MYEF2: variants seen among roughly 807,000 people sequenced by gnomAD.
MYEF2 encodes the protein myelin expression factor 2.
MYEF2 carries 37 observed loss-of-function variants against 75.2 expected under a neutral mutation model. That is an observed-to-expected ratio of 0.49 (90% CI 0.38 to 0.65). MYEF2 has a LOEUF of 0.65. Among genes scored for constraint, MYEF2 ranks in the 30% least tolerant of loss-of-function variants. The probability of loss-of-function intolerance (pLI) is 0.00; values close to 1 mark genes in which losing one functional copy is unlikely to be tolerated. For synonymous variants in MYEF2, 195 were observed against 241.6 expected (o/e 0.81, Z 1.79); for missense variants, 634 against 771.4 (o/e 0.82, Z 2.11).
intron 9 of MYEF2, 73 bp downstream of exon 9, chr15:48,157,920 A>G (rs1384476280): frequency 1.3e-6 from 2 of 1,580,906 alleles, no homozygotes; most frequent in East Asian, 2.2e-5. Context: ...GCACAAAAAC[A>G]AAGTGTTGCT....
chr15:48,177,805 G>C (rs1241461592), intron 1 of MYEF2, among the ~76,000 whole-genome samples: 1 of 152,178 alleles, frequency 6.6e-6, no homozygotes, highest in Admixed American at 6.5e-5. Flanking sequence ...AGGGAAGAGG[G>C]GTGTTCGCTG....
At chr15:48,177,106 T>G (rs1295739336) in intron 1 of MYEF2, among the ~76,000 whole-genome samples, 2 of 152,208 alleles carry the variant, frequency 1.3e-5, no homozygotes, top group African/African-American at 2.4e-5. Flanking sequence ...CTCTGAGGCA[T>G]AACAGAGAAG....
chr15:48,164,373 A>G (rs531118714), intron 5 of MYEF2, among the ~76,000 whole-genome samples: 3 of 152,322 alleles, frequency 2.0e-5, no homozygotes, highest in African/African-American at 7.2e-5. Flanking sequence ...CTGTAAACTC[A>G]TGATAAAACC....
At chr15:48,157,937 A>C (rs2140876842) in intron 9 of MYEF2, 56 bp downstream of exon 9, 1 of 1,605,590 alleles carries the variant, frequency 6.2e-7, no homozygotes, top group East Asian at 2.2e-5. Context: ...TGCTTAGCAC[A>C]TAATAAAACA....
chr15:48,136,859 C>G lies in MYEF2; in HGVS notation c.*6049G>C, dbSNP rs1359663627. On this transcript the variant is annotated 3_prime_UTR_variant, in exon 17 of 17. Coordinates refer to ENST00000324324, the MANE Select transcript of MYEF2 (RefSeq NM_016132.5). ...ATGGGCTGGGAAGATGAAGGTCAAC[C>G]ATTCATTCGTCGGCAATCAAGAACT... 4.3e-6 allele frequency: 7 copies of G among 1,613,708 alleles called. No homozygotes were observed. Among genetic ancestry groups the G allele is most frequent in the Admixed American group, 1.7e-5 (1 of 59,972 alleles).
chr15:48,146,523 A>G (rs1447703835), intron 16 of MYEF2, among the ~76,000 whole-genome samples: 1 of 151,958 alleles, frequency 6.6e-6, no homozygotes, highest in Non-Finnish European at 1.5e-5. Context: ...ATAACCCATA[A>G]TATAACATTT....
chr15:48,177,859 C>CA (rs993329763), intron 1 of MYEF2, among the ~76,000 whole-genome samples: 2 of 152,122 alleles, frequency 1.3e-5, no homozygotes, highest in African/African-American at 4.8e-5. Context: ...CCCGGGCCCC[C>CA]AGCCCCGGCT....
chr15:48,155,052 A>C (rs1292145536), intron 9 of MYEF2, among the ~76,000 whole-genome samples: 1 of 152,122 alleles, frequency 6.6e-6, no homozygotes, highest in Non-Finnish European at 1.5e-5. Context: ...AAAATAAGAC[A>C]CAATATAATG....
In MYEF2 at chr15:48,149,198, T is replaced by G. The variant is rs2039399319; in HGVS notation, c.1552A>C (p.Ile518Leu). The change falls in exon 15 of 17, where the codon ATA becomes CTA. Residue 518 changes from isoleucine (I) to leucine (L), a missense_variant. Ile to Leu is a conservative substitution (Grantham distance 5, BLOSUM62 2). Coordinates refer to ENST00000324324, the MANE Select transcript of MYEF2 (RefSeq NM_016132.5). This position sits in a 1 kb window ranked among gnomAD's most constrained non-coding sequence, Gnocchi z 4.0. ...GPMGSGMRER[I>L]GSKGNQIFVR... The stretch of plus-strand genomic sequence containing the variant: ...AATATCTGGTTGCCTTTGGAGCCTA[T>G]TCTCTCTCTCATTCCGCTTCCCATT... 6.2e-7 allele frequency: 1 copy of G among 1,613,432 alleles called. No homozygotes were observed. Among genetic ancestry groups the G allele is most frequent in the East Asian group, 2.2e-5 (1 of 44,884 alleles).
intron 7 of MYEF2, 119 bp downstream of exon 7, chr15:48,158,649 TA>T: frequency 8.3e-7 from 1 of 1,197,926 alleles, no homozygotes. Flanking sequence ...TGCTGGAGAC[TA>T]AAGTCTAACA....
intron 3 of MYEF2, among the ~76,000 whole-genome samples, chr15:48,166,882 T>C (rs1011168984): frequency 6.6e-6 from 1 of 152,048 alleles, no homozygotes; most frequent in East Asian, 1.9e-4. Context: ...TAATCGTAAA[T>C]GTCATTCATA....
rs1597374812 is a variant in MYEF2, at chr15:48,178,244, G to A, written c.-7C>T. On this transcript the variant is annotated 5_prime_UTR_variant, in exon 1 of 17. Transcript: ENST00000324324. Reference sequence around the variant, plus strand: ...CCTTGTTGGCGTCCGCCATCCCGCCGCCGCTGCCTCCGCCTCGGCCGCCTG... The same window carrying A: ...CCTTGTTGGCGTCCGCCATCCCGCCACCGCTGCCTCCGCCTCGGCCGCCTG... 2.9e-6 allele frequency: 4 copies of A among 1,387,730 alleles called. No homozygotes were observed. Among genetic ancestry groups the A allele is most frequent in the Non-Finnish European group, 3.7e-6 (4 of 1,075,932 alleles). 86.0% of individuals were successfully genotyped at this position (1,387,730 alleles called of 1,614,324 possible). A position where few individuals can be genotyped will look rare whatever the true frequency, so the allele number is the denominator to read the frequency against.
At position 48,136,582 on chromosome 15, in the gene MYEF2, C is replaced by T. The variant is rs1159951530; in HGVS notation, c.*6326G>A. 1 of 1,090,948 alleles carries T rather than the reference C, an allele frequency of 9.2e-7. No individual in the cohort carries two copies. Among genetic ancestry groups the T allele is most frequent in the African/African-American group, 1.6e-5 (1 of 63,362 alleles). 67.6% of individuals were successfully genotyped at this position (1,090,948 alleles called of 1,614,324 possible). A position where few individuals can be genotyped will look rare whatever the true frequency, so the allele number is the denominator to read the frequency against. ...CTAGAAATGTTTGATTGTTCTATGGCTACTTTTGTTAGAAAATCATTCAAT... is the reference window on the plus strand; with the variant it reads ...CTAGAAATGTTTGATTGTTCTATGGTTACTTTTGTTAGAAAATCATTCAAT... On this transcript the variant is annotated 3_prime_UTR_variant, in exon 17 of 17. Transcript: ENST00000324324.
At chr15:48,166,767 C>T (rs1236639653) in intron 3 of MYEF2, among the ~76,000 whole-genome samples, 1 of 151,860 alleles carries the variant, frequency 6.6e-6, no homozygotes, top group African/African-American at 2.4e-5. Context: ...GTTTTACTAA[C>T]ATAATGAAAC....
intron 2 of MYEF2, 104 bp downstream of exon 2, chr15:48,168,527 A>AT: frequency 3.5e-6 from 3 of 855,850 alleles, no homozygotes; most frequent in East Asian, 2.5e-5. Context: ...ATAAAAATCA[A>AT]TTTTTTGAGT....
intron 7 of MYEF2, 121 bp downstream of exon 7, chr15:48,158,648 C>G: frequency 1.7e-6 from 2 of 1,190,408 alleles, no homozygotes; most frequent in Non-Finnish European, 2.4e-6. Context: ...TTGCTGGAGA[C>G]TAAAGTCTAA....
Position 48,142,066 on chromosome 15 carries a change from C to T in MYEF2, c.*842G>A, listed in dbSNP as rs151021808. 1.9e-6 allele frequency: 3 copies of T among 1,613,306 alleles called. No homozygotes were observed. Among genetic ancestry groups the T allele is most frequent in the Non-Finnish European group, 2.5e-6 (3 of 1,179,746 alleles). On this transcript the variant is annotated 3_prime_UTR_variant, in exon 17 of 17. Coordinates refer to ENST00000324324, the MANE Select transcript of MYEF2 (RefSeq NM_016132.5). ...TGGCTATGTCTAACATCGTGGGATC[C>T]AATGTGTTTGATATGTTGTGCCTTG...
At chr15:48,152,084 A>G in intron 11 of MYEF2, 142 bp from the exon 12 acceptor site, 7 of 1,132,236 alleles carry the variant, frequency 6.2e-6, no homozygotes, top group Non-Finnish European at 9.3e-6. Flanking sequence ...CCTTCCTTTA[A>G]GTATGTACCA....
intron 5 of MYEF2, among the ~76,000 whole-genome samples, chr15:48,161,062 T>C (rs1364692406): frequency 6.6e-6 from 1 of 152,136 alleles, no homozygotes; most frequent in Non-Finnish European, 1.5e-5. Context: ...TTCGGTTGTT[T>C]GTGCTTATAA....
Sources: allele counts gnomAD v4.1 joint callset (sites outside exome capture counted in the v4.1 genomes callset), GRCh38; gene constraint gnomAD v4.1.1; non-coding constraint Gnocchi (gnomAD v3.1); transcripts MANE v1.5; gene names NCBI Gene and HGNC (gene_info 2026-07-23, HGNC 2026-07-21).